CAMTA1: variants seen among roughly 807,000 people sequenced by gnomAD.
CAMTA1 encodes calmodulin binding transcription activator 1.
CAMTA1 carries 27 observed loss-of-function variants against 170.9 expected under a neutral mutation model. The ratio of observed to expected loss-of-function variants is 0.16; its 90% CI spans 0.12 to 0.22. The LOEUF (loss-of-function observed/expected upper bound fraction) is 0.22. CAMTA1 is among the 10% of genes least tolerant of loss of function. The pLI is 1.00. For synonymous variants in CAMTA1, 833 were observed against 891.5 expected, an observed-to-expected ratio of 0.93 and a Z score of 1.17; for missense variants, 1,619 against 2,217.2, an observed-to-expected ratio of 0.73 and a Z score of 5.42.
intron 11 of CAMTA1, among the ~76,000 whole-genome samples, chr1:7,714,264 CT>C (rs1296484403): frequency 2.0e-5 from 3 of 152,132 alleles, no homozygotes; most frequent in African/African-American, 7.2e-5. Context: ...CTATAGAAAG[CT>C]TTTCCTTCAA....
chr1:7,632,352 C>T (rs56282136), intron 6 of CAMTA1, among the ~76,000 whole-genome samples: 2,768 of 152,286 alleles, frequency 0.018, 73 homozygotes, highest in African/African-American at 0.063. Context: ...CTATTACATG[C>T]TATTATGACT....
chr1:7,102,214 T>G (rs1163232247), intron 4 of CAMTA1, among the ~76,000 whole-genome samples: 2 of 152,214 alleles, frequency 1.3e-5, no homozygotes, highest in Non-Finnish European at 2.9e-5. Context: ...TGGCTACTCC[T>G]GACCTCACCT....
chr1:7,261,743 G>A (rs1028221899), intron 5 of CAMTA1, among the ~76,000 whole-genome samples: 3 of 152,220 alleles, frequency 2.0e-5, no homozygotes, highest in Non-Finnish European at 2.9e-5. Context: ...GGATGCAGGC[G>A]GAGCTCCCAG....
intron 3 of CAMTA1, among the ~76,000 whole-genome samples, chr1:6,910,266 T>G (rs955866667): frequency 6.6e-6 from 1 of 152,238 alleles, no homozygotes; most frequent in South Asian, 2.1e-4. Flanking sequence ...TCCAAAGCCT[T>G]CATGGGCTTG....
chr1:6,939,849 T>C (rs936061587), intron 3 of CAMTA1, among the ~76,000 whole-genome samples: 5 of 152,244 alleles, frequency 3.3e-5, no homozygotes, highest in Non-Finnish European at 5.9e-5. Context: ...GCAAGCTCCA[T>C]GAGAGCAGGC....
At chr1:7,622,296 C>T (rs1558016063) in intron 6 of CAMTA1, among the ~76,000 whole-genome samples, 1 of 152,200 alleles carries the variant, frequency 6.6e-6, no homozygotes, top group Non-Finnish European at 1.5e-5. Flanking sequence ...GGTTAAGTAA[C>T]TTGCCCAAGA....
intron 5 of CAMTA1, among the ~76,000 whole-genome samples, chr1:7,271,327 G>T (rs1669769341): frequency 6.6e-6 from 1 of 152,128 alleles, no homozygotes; most frequent in African/African-American, 2.4e-5. Flanking sequence ...CTGGCATCTT[G>T]ATCATGGACT....
intron 4 of CAMTA1, among the ~76,000 whole-genome samples, chr1:7,211,320 CT>C (rs1573923028): frequency 6.6e-6 from 1 of 152,312 alleles, no homozygotes; most frequent in East Asian, 1.9e-4. Flanking sequence ...GTGCATGCAC[CT>C]GTGTGACTCA....
At chr1:7,742,649 T>C (rs1356944093) in intron 16 of CAMTA1, among the ~76,000 whole-genome samples, 5 of 152,348 alleles carry the variant, frequency 3.3e-5, no homozygotes, top group African/African-American at 1.2e-4. Context: ...TTTTACATTG[T>C]TACATGTTTA....
intron 6 of CAMTA1, among the ~76,000 whole-genome samples, chr1:7,556,263 G>T (rs1050793235): frequency 6.6e-6 from 1 of 152,164 alleles, no homozygotes; most frequent in African/African-American, 2.4e-5. Context: ...AGAGGAGGTT[G>T]TGGGGTATGG....
In CAMTA1 at chr1:6,965,885, C is replaced by T. The variant is rs560416427; in HGVS notation, c.235-125419C>T. Among the ~76,000 whole-genome samples, 57 of 152,280 alleles carry T rather than the reference C, an allele frequency of 3.7e-4. No homozygotes were observed. Among genetic ancestry groups the T allele is most frequent in the African/African-American group, 1.3e-3 (56 of 41,552 alleles). ...TTATTGCAAGCTCGATGCCGCACGTCTGGCATTAGTTACTGCTTGTTGTGT... is the reference window on the plus strand; with the variant it reads ...TTATTGCAAGCTCGATGCCGCACGTTTGGCATTAGTTACTGCTTGTTGTGT... On this transcript the variant is annotated intron_variant, in intron 3 of 22. Coordinates refer to ENST00000303635, the MANE Select transcript of CAMTA1 (RefSeq NM_015215.4). This position sits in a 1 kb window ranked among gnomAD's most constrained non-coding sequence, Gnocchi z 4.1.
chr1:7,406,012 G>T (rs188459602), intron 5 of CAMTA1, among the ~76,000 whole-genome samples: 1 of 152,328 alleles, frequency 6.6e-6, no homozygotes, highest in African/African-American at 2.4e-5. Flanking sequence ...CACTGCAGTG[G>T]GAGACTCACA....
At chr1:7,294,589 C>T (rs554148745) in intron 5 of CAMTA1, among the ~76,000 whole-genome samples, 2 of 152,366 alleles carry the variant, frequency 1.3e-5, no homozygotes, top group African/African-American at 4.8e-5. Flanking sequence ...GTAGAAACCA[C>T]CCACTTTGCT....
chr1:7,387,493 C>G (rs921661064), intron 5 of CAMTA1, among the ~76,000 whole-genome samples: 7 of 152,234 alleles, frequency 4.6e-5, no homozygotes, highest in Non-Finnish European at 7.3e-5. Flanking sequence ...GCAGCTGCCC[C>G]TGCCAGCAAG....
intron 5 of CAMTA1, among the ~76,000 whole-genome samples, chr1:7,274,147 A>T (rs908974491): frequency 6.6e-5 from 10 of 152,170 alleles, no homozygotes; most frequent in African/African-American, 2.4e-4. Context: ...TAAGCATTCC[A>T]ATTAAAAGCT....
At position 7,738,509 on chromosome 1, in the gene CAMTA1, G is replaced by A. The variant is rs780351043; in HGVS notation, c.4182+27G>A. The A allele has an allele frequency of 1.1e-5, 18 of 1,599,908 alleles. No individual in the cohort carries two copies. The highest frequency in any genetic ancestry group is 4.5e-5 in the East Asian group (2 of 44,654). ...TAAAAAGCAGGGACAGGGTAAGCCC[G>A]CAGAGGCTGGTGCGTTCCAGTTGCT... On this transcript the variant is annotated intron_variant, in intron 16 of 22. Transcript: ENST00000303635. This position sits in a 1 kb window ranked among gnomAD's most constrained non-coding sequence, Gnocchi z 4.9.
intron 11 of CAMTA1, among the ~76,000 whole-genome samples, chr1:7,722,238 C>A (rs2096654231): frequency 6.6e-6 from 1 of 152,190 alleles, no homozygotes; most frequent in Non-Finnish European, 1.5e-5. Flanking sequence ...TTGTCTCTGT[C>A]TTTAAAACAT....
chr1:7,170,144 A>G (rs1196984603), intron 4 of CAMTA1, among the ~76,000 whole-genome samples: 1 of 152,114 alleles, frequency 6.6e-6, no homozygotes, highest in Non-Finnish European at 1.5e-5. Context: ...CCTCTTTTCT[A>G]TATGAACATT....
At chr1:7,714,681 C>T (rs1368918684) in intron 11 of CAMTA1, among the ~76,000 whole-genome samples, 1 of 152,082 alleles carries the variant, frequency 6.6e-6, no homozygotes, top group Non-Finnish European at 1.5e-5. Flanking sequence ...GTCACCACAC[C>T]TGGCTAATTT....
Sources: allele counts gnomAD v4.1 joint callset (sites outside exome capture counted in the v4.1 genomes callset), GRCh38; gene constraint gnomAD v4.1.1; non-coding constraint Gnocchi (gnomAD v3.1); transcripts MANE v1.5; gene names NCBI Gene and HGNC (gene_info 2026-07-23, HGNC 2026-07-21).